The following SPOCK2 variants were observed in gnomAD, a reference collection of about 807,000 sequenced individuals.
SPOCK2 encodes the protein testican-2.
In SPOCK2, 39 loss-of-function variants were observed where a neutral mutation model predicts 60.1. The observed-to-expected ratio is 0.65, with a 90% CI of 0.50 to 0.85. The LOEUF is 0.85. Among genes scored for constraint, SPOCK2 ranks in the 40% least tolerant of loss-of-function variants. The probability of loss-of-function intolerance (pLI) is 0.00; values close to 1 mark genes in which losing one functional copy is unlikely to be tolerated. For synonymous variants in SPOCK2, 217 were observed against 231.5 expected, an observed-to-expected ratio of 0.94 and a Z score of 0.57; for missense variants, 523 against 567.4, an observed-to-expected ratio of 0.92 and a Z score of 0.80.
chr10:72,073,959 A>G (rs1431341419), intron 1 of SPOCK2, among the ~76,000 whole-genome samples: 1 of 152,242 alleles, frequency 6.6e-6, no homozygotes, highest in African/African-American at 2.4e-5. Flanking sequence ...GCTGGCAGTG[A>G]CAAGGACCAG....
At chr10:72,083,520 G>A (rs946524943) in intron 1 of SPOCK2, among the ~76,000 whole-genome samples, 4 of 152,236 alleles carry the variant, frequency 2.6e-5, no homozygotes, top group African/African-American at 9.6e-5. Context: ...CTGTGCTCCA[G>A]GTAGCCTTCT....
At position 72,087,316 on chromosome 10, in the gene SPOCK2, G is replaced by C. The variant is rs902300026; in HGVS notation, c.189+824C>G. The stretch of plus-strand genomic sequence containing the variant: ...CCCCCGCCCCCACCCCGCGGAGTTC[G>C]GCCCAAGGTTACGCCGGGGTTCGGG... On this transcript the variant is annotated intron_variant, in intron 1 of 10. Coordinates refer to ENST00000373109, the MANE Select transcript of SPOCK2 (RefSeq NM_001244950.2). This position sits in a 1 kb window ranked among gnomAD's most constrained non-coding sequence, Gnocchi z 4.7. Among the ~76,000 whole-genome samples the C allele has an allele frequency of 1.3e-5, 2 of 151,972 alleles. No individual in the cohort carries two copies. The highest frequency in any genetic ancestry group is 6.5e-5 in the Admixed American group (1 of 15,280).
At chr10:72,079,750 C>T (rs1202839984) in intron 1 of SPOCK2, among the ~76,000 whole-genome samples, 2 of 152,142 alleles carry the variant, frequency 1.3e-5, no homozygotes, top group Admixed American at 1.3e-4. Flanking sequence ...GCCCTCCAGA[C>T]CCTGGCTTAT....
intron 3 of SPOCK2, 64 bp from the exon 4 acceptor site, chr10:72,072,322 T>G (rs1482347284): frequency 1.4e-6 from 2 of 1,457,702 alleles, no homozygotes; most frequent in African/African-American, 2.8e-5. Context: ...CAGCCCCACT[T>G]CTGAGCTGGG....
intron 8 of SPOCK2, among the ~76,000 whole-genome samples, chr10:72,064,717 TA>T (rs1425822034): frequency 6.6e-6 from 1 of 152,174 alleles, no homozygotes; most frequent in Non-Finnish European, 1.5e-5. Flanking sequence ...TAGTTATGTT[TA>T]TTTTTTTATT....
chr10:72,066,865 G>A (rs376408859), intron 8 of SPOCK2, 37 bp downstream of exon 8: 65 of 1,611,128 alleles, frequency 4.0e-5, no homozygotes, highest in African/African-American at 1.6e-4. Context: ...GAGCCCACAC[G>A]GGTGAGGCAG....
rs774002916 is a variant in SPOCK2, at chr10:72,064,219, A to C, written c.950T>G (p.Leu317Arg). The C allele has an allele frequency of 6.2e-6, 10 of 1,607,394 alleles. No homozygotes were observed. In the East Asian group the frequency reaches 2.2e-4, roughly 36 times the overall value. The part of the protein sequence containing the change: ...WREKPPCLAE[L>R]ERIQIQEAAK... ...GGCCTCCTGGATCTGGATGCGCTCC[A>C]GCTCTGCCAGGCAGGGGGGCTCTGT... is the stretch of plus-strand genomic sequence containing the variant. The change falls in exon 9 of 11, where the codon CTG becomes CGG. Residue 317 changes from leucine to arginine, a missense_variant. Physicochemically the swap from Leu to Arg is moderately radical, Grantham distance 102 (BLOSUM62 -2). Coordinates refer to ENST00000373109, the MANE Select transcript of SPOCK2 (RefSeq NM_001244950.2).
rs375998618 is a variant in SPOCK2, at chr10:72,067,614, G to A, written c.708C>T (p.Ser236=). 85 of 1,612,244 alleles carry A rather than the reference G, an allele frequency of 5.3e-5. 1 individual carries two copies. Among genetic ancestry groups the A allele is most frequent in the Middle Eastern group, 3.7e-4 (2 of 5,472 alleles). ...CAGGCAGAGCAGCAAGCTTCCTACC[G>A]CTGGCCGGGCCGGCTACACTGCTGG... ...GSASSVAGPA[S]GLDKSLGASC... The change falls in exon 7 of 11, where the codon AGC becomes AGT. Residue 236 remains serine (S), a splice_region_variant and synonymous_variant. Coordinates refer to ENST00000373109, the MANE Select transcript of SPOCK2 (RefSeq NM_001244950.2).
At chr10:72,068,069 C>A in intron 6 of SPOCK2, 118 bp downstream of exon 6, 1 of 1,190,900 alleles carries the variant, frequency 8.4e-7, no homozygotes, top group Non-Finnish European at 1.2e-6. Flanking sequence ...CTCAAGCTTT[C>A]TGCATTTTTG....
At position 72,072,894 on chromosome 10, in the gene SPOCK2, G is replaced by A; in HGVS notation, c.198+8C>T. 1 of 1,554,514 alleles carries A rather than the reference G, an allele frequency of 6.4e-7. No individual in the cohort carries two copies. The highest frequency in any genetic ancestry group is 8.7e-7 in the Non-Finnish European group (1 of 1,148,582). ...ACCACACAGAGTGGGGTCCTGGGCA[G>A]TACTCACCTCCACTTCCTGGAGATC... On this transcript the variant is annotated splice_region_variant and intron_variant, in intron 2 of 10. Transcript: ENST00000373109.
At chr10:72,072,821 A>G (rs9663960) in intron 2 of SPOCK2, 81 bp downstream of exon 2, 85,676 of 1,545,998 alleles carry the variant, frequency 0.055, 2,606 homozygotes, top group African/African-American at 0.076. Flanking sequence ...GCAAGTCAGA[A>G]TGAGGGTGTG....
At chr10:72,084,782 A>T (rs1457098229) in intron 1 of SPOCK2, among the ~76,000 whole-genome samples, 1 of 152,168 alleles carries the variant, frequency 6.6e-6, no homozygotes, top group African/African-American at 2.4e-5. Context: ...GTAGGCTGTA[A>T]AGTAACAATA....
At chr10:72,069,468 CTTTTT>C (rs869082110) in intron 5 of SPOCK2, among the ~76,000 whole-genome samples, 3 of 138,586 alleles carry the variant, frequency 2.2e-5, no homozygotes, top group Non-Finnish European at 1.6e-5. Context: ...TTCTATGTTA[CTTTTT>C]TTTTTTTTTT....
intron 9 of SPOCK2, among the ~76,000 whole-genome samples, chr10:72,063,377 T>A (rs1286893083): frequency 6.6e-6 from 1 of 152,210 alleles, no homozygotes; most frequent in East Asian, 1.9e-4. Context: ...GGAAACCCGC[T>A]TCCTTGAACC....
chr10:72,085,695 T>A (rs12220212), intron 1 of SPOCK2, among the ~76,000 whole-genome samples: 1 of 152,092 alleles, frequency 6.6e-6, no homozygotes, highest in Admixed American at 6.5e-5. Context: ...ATGAACAAGG[T>A]CCCAGTTCAA....
At position 72,060,131 on chromosome 10, in the gene SPOCK2, C is replaced by G. The variant is rs1375275290; in HGVS notation, c.*2629G>C. 1 of 152,224 alleles carries G rather than the reference C, an allele frequency of 6.6e-6. No individual in the cohort carries two copies. The highest frequency in any genetic ancestry group is 1.5e-5 in the Non-Finnish European group (1 of 68,066). The allele number at this position is 152,224 out of a possible 1,614,324, so 9.4% of individuals were successfully genotyped here. On this transcript the variant is annotated 3_prime_UTR_variant, in exon 11 of 11. Transcript: ENST00000373109. ...AGCTGAGGAAGGACCGATCTGCAAC[C>G]TTGCTCATGAGGAAACCTTAACCTT... is the stretch of plus-strand genomic sequence containing the variant.
chr10:72,070,329 G>A lies in SPOCK2; in HGVS notation c.457C>T (p.His153Tyr). 1.2e-6 allele frequency: 2 copies of A among 1,614,156 alleles called. No individual in the cohort carries two copies. The highest frequency in any genetic ancestry group is 1.7e-6 in the Non-Finnish European group (2 of 1,180,012). The change falls in exon 5 of 11, where the codon CAC becomes TAC. Residue 153 changes from histidine to tyrosine, a missense_variant. By Grantham distance (83) the His-to-Tyr change is moderately conservative. Coordinates refer to ENST00000373109, the MANE Select transcript of SPOCK2 (RefSeq NM_001244950.2). ...CTCCTCACCACAGAGCTGTAAGTGT[G>A]GCCATCTGAGCCGCAGACAGAGGCA... ...QLASVCGSDG[H>Y]TYSSVCKLEQ...
intron 1 of SPOCK2, chr10:72,086,642 C>G: frequency 8.2e-7 from 1 of 1,226,550 alleles, no homozygotes; most frequent in South Asian, 1.5e-5. Context: ...GAAGGCCTCG[C>G]GGGGCTCCAG....
intron 4 of SPOCK2, 42 bp from the exon 5 acceptor site, chr10:72,070,468 A>G (rs1341303981): frequency 3.1e-6 from 5 of 1,591,562 alleles, no homozygotes; most frequent in Middle Eastern, 1.7e-4. Flanking sequence ...GGAAGTGACA[A>G]TGAGGAAGGA....
Sources: gnomAD v4.1 joint callset for allele counts (sites outside exome capture counted in the v4.1 genomes callset) on GRCh38, gnomAD v4.1.1 for gene constraint, Gnocchi (gnomAD v3.1) non-coding constraint, MANE v1.5 for transcripts, NCBI Gene and HGNC (gene_info 2026-07-23, HGNC 2026-07-21) for gene names.